XPNPEP3: variants seen among roughly 807,000 people sequenced by gnomAD.
XPNPEP3 encodes X-prolyl aminopeptidase 3.
In XPNPEP3, 41 loss-of-function variants were observed where a neutral mutation model predicts 60.0. The observed-to-expected ratio is 0.68, with a 90% confidence interval of 0.53 to 0.89. The LOEUF (loss-of-function observed/expected upper bound fraction) is 0.89. Among genes scored for constraint, XPNPEP3 ranks in the 40% least tolerant of loss-of-function variants. XPNPEP3 has a pLI of 0.00. For synonymous variants in XPNPEP3, 212 were observed against 223.2 expected (o/e 0.95, Z 0.45); for missense variants, 598 against 638.9 (o/e 0.94, Z 0.69).
intron 4 of XPNPEP3, among the ~76,000 whole-genome samples, chr22:40,888,876 A>G (rs1335912910): frequency 1.3e-5 from 2 of 151,966 alleles, no homozygotes; most frequent in East Asian, 1.9e-4. Flanking sequence ...CTACACCAAC[A>G]TTTGTTCTGT....
At chr22:40,888,415 T>A (rs1000983604) in intron 4 of XPNPEP3, 8 of 442,630 alleles carry the variant, frequency 1.8e-5, no homozygotes, top group South Asian at 6.4e-5. Context: ...GCTAATTTTT[T>A]AAATTTTTTG....
At chr22:40,876,839 A>C (rs1243513769) in intron 2 of XPNPEP3, among the ~76,000 whole-genome samples, 2 of 152,250 alleles carry the variant, frequency 1.3e-5, no homozygotes, top group Non-Finnish European at 2.9e-5. Flanking sequence ...AAGTCTTAGT[A>C]TAAAAGTTAT....
intron 2 of XPNPEP3, among the ~76,000 whole-genome samples, chr22:40,873,328 C>T (rs1288281808): frequency 6.6e-6 from 1 of 151,470 alleles, no homozygotes; most frequent in Non-Finnish European, 1.5e-5. Flanking sequence ...TGGTTTTGAA[C>T]TCCTGACCTT....
At chr22:40,912,134 A>G (rs757528557) in intron 6 of XPNPEP3, among the ~76,000 whole-genome samples, 42 of 152,190 alleles carry the variant, frequency 2.8e-4, no homozygotes, top group Admixed American at 1.4e-3. Flanking sequence ...TTATTTTTAA[A>G]TGAATTTAAT....
chr22:40,923,136 C>A, intron 8 of XPNPEP3, among the ~76,000 whole-genome samples: 1 of 151,694 alleles, frequency 6.6e-6, no homozygotes, highest in East Asian at 1.9e-4. Context: ...TCACTTGACC[C>A]CAGAAGTTCA....
At chr22:40,863,139 A>G (rs962567060) in intron 1 of XPNPEP3, among the ~76,000 whole-genome samples, 1 of 152,212 alleles carries the variant, frequency 6.6e-6, no homozygotes, top group Non-Finnish European at 1.5e-5. Flanking sequence ...TATTTCAAGT[A>G]CAGTGGGAAG....
At position 40,879,241 on chromosome 22, in the gene XPNPEP3, T is replaced by C. The variant is rs115378872; in HGVS notation, c.182-2529T>C. Among the ~76,000 whole-genome samples, 770 of 152,352 alleles carry C rather than the reference T, an allele frequency of 5.1e-3. 3 individuals carry two copies. The highest frequency in any genetic ancestry group is 0.017 in the African/African-American group (721 of 41,570). ...ATTTTGTTGCTTCAGCTGCTTCACA[T>C]TGGCCCGTAAGGCCTCCACTTATCA... On this transcript the variant is annotated intron_variant, in intron 2 of 9. Transcript: ENST00000357137.
intron 3 of XPNPEP3, among the ~76,000 whole-genome samples, chr22:40,885,656 C>T (rs1469484982): frequency 6.6e-6 from 1 of 152,130 alleles, no homozygotes; most frequent in Non-Finnish European, 1.5e-5. Flanking sequence ...GCCTCTAGCT[C>T]AGTAAGTGGT....
At chr22:40,908,987 G>A in intron 5 of XPNPEP3, 135 bp from the exon 6 acceptor site, 2 of 732,724 alleles carry the variant, frequency 2.7e-6, no homozygotes, top group Non-Finnish European at 2.5e-6. Flanking sequence ...AAAAGGTTTG[G>A]TTAGATATGA....
intron 2 of XPNPEP3, among the ~76,000 whole-genome samples, chr22:40,873,059 G>C (rs576453816): frequency 6.7e-6 from 1 of 149,414 alleles, no homozygotes; most frequent in South Asian, 2.1e-4. Context: ...GACATATGTA[G>C]AACCACTTCA....
chr22:40,903,577 G>A (rs1049299616), intron 4 of XPNPEP3, among the ~76,000 whole-genome samples: 2 of 151,128 alleles, frequency 1.3e-5, no homozygotes, highest in East Asian at 1.9e-4. Context: ...TGCAACCTCC[G>A]CCTCCCGGGT....
chr22:40,872,361 C>T (rs1207655021), intron 2 of XPNPEP3, among the ~76,000 whole-genome samples: 1 of 151,996 alleles, frequency 6.6e-6, no homozygotes, highest in African/African-American at 2.4e-5. Context: ...GTTGGTCAGT[C>T]TCTTTGATTA....
rs1346537697 is a variant in XPNPEP3, at chr22:40,920,040, G to A, written c.1056-2293G>A. On this transcript the variant is annotated intron_variant, in intron 7 of 9. Coordinates refer to ENST00000357137, the MANE Select transcript of XPNPEP3 (RefSeq NM_022098.4). ...AACTAAGGTCAAAATAATCACAATA[G>A]CATTTGCCTCGGAAAGTAGGGATAT... 2.0e-5 allele frequency among the ~76,000 whole-genome samples: 3 copies of A among 152,094 alleles called. No homozygotes were observed. The East Asian group carries it at 5.8e-4, about 29-fold the overall frequency.
chr22:40,907,594 T>C lies in XPNPEP3; in HGVS notation c.800T>C (p.Ile267Thr), dbSNP rs748807715. The C allele has an allele frequency of 2.5e-6, 4 of 1,614,024 alleles. No homozygotes were observed. Among genetic ancestry groups the C allele is most frequent in the South Asian group, 1.1e-5 (1 of 91,090 alleles). ...IAGKLTSQAFIETMFTSKAPV... is the reference protein window; with the variant it reads ...IAGKLTSQAFTETMFTSKAPV... ...CCTCCTTTCTCTTTGCAGGCTTTCA[T>C]AGAAACCATGTTCACCAGTAAAGCC... Residue 267 changes from isoleucine (I) to threonine (T), a missense_variant, in exon 5 of 10, where the codon ATA (isoleucine) becomes ACA (threonine). Transcript: ENST00000357137.
intron 2 of XPNPEP3, among the ~76,000 whole-genome samples, chr22:40,872,014 C>T (rs1288245808): frequency 6.6e-6 from 1 of 152,158 alleles, no homozygotes; most frequent in African/African-American, 2.4e-5. Context: ...GCTTGGGCAA[C>T]AGAGTGAGAC....
chr22:40,859,686 C>G (rs2057929832), intron 1 of XPNPEP3: 1 of 152,176 alleles, frequency 6.6e-6, no homozygotes, highest in South Asian at 2.1e-4. Flanking sequence ...CGATACAAAA[C>G]ACAAGCTCTT....
At position 40,860,480 on chromosome 22, in the gene XPNPEP3, T is replaced by C. The variant is rs1319726686; in HGVS notation, c.64+3235T>C. On this transcript the variant is annotated intron_variant, in intron 1 of 9. Transcript: ENST00000357137. ...CTGTTCCTCCATTGGAAAACAGCCA[T>C]TTCATGAATAATTGTGTAGTCTGAA... 3.2e-5 allele frequency: 14 copies of C among 434,620 alleles called. No homozygotes were observed. The East Asian group carries it at 4.9e-4, about 15-fold the overall frequency. The allele number at this position is 434,620 out of a possible 1,614,324, so 26.9% of individuals were successfully genotyped here.
intron 3 of XPNPEP3, among the ~76,000 whole-genome samples, chr22:40,884,261 A>C (rs902888235): frequency 1.3e-5 from 2 of 151,258 alleles, no homozygotes; most frequent in African/African-American, 4.9e-5. Flanking sequence ...CTACTGTCTA[A>C]GTTTTATTAA....
intron 7 of XPNPEP3, among the ~76,000 whole-genome samples, chr22:40,921,001 A>G (rs1362743569): frequency 2.0e-5 from 3 of 152,168 alleles, no homozygotes; most frequent in Non-Finnish European, 4.4e-5. Flanking sequence ...CATGTTGGTC[A>G]GGCTGGTCTC....
Sources: allele counts gnomAD v4.1 joint callset (sites outside exome capture counted in the v4.1 genomes callset), GRCh38; gene constraint gnomAD v4.1.1; transcripts MANE v1.5; gene names NCBI Gene and HGNC (gene_info 2026-07-23, HGNC 2026-07-21).